SGMS2: variants seen among roughly 807,000 people sequenced by gnomAD.
SGMS2 encodes phosphatidylcholine:ceramide cholinephosphotransferase 2.
In SGMS2, 21 loss-of-function variants were observed where a neutral mutation model predicts 43.8. The ratio of observed to expected loss-of-function variants is 0.48; its 90% CI spans 0.34 to 0.69. The LOEUF (loss-of-function observed/expected upper bound fraction) is 0.69, where lower values mean the gene tolerates loss of function less well. Ranked by LOEUF, SGMS2 falls within the 30% of genes least tolerant of loss-of-function variation. The pLI, the probability that SGMS2 is intolerant of heterozygous loss-of-function variation, is 0.01. For missense variants in SGMS2, 384 were observed against 443.2 expected (o/e 0.87, Z 1.20); for synonymous variants, 167 against 160.6 (o/e 1.04, Z -0.30).
chr4:107,844,085 G>A (rs1396708636), intron 1 of SGMS2, among the ~76,000 whole-genome samples: 7 of 152,128 alleles, frequency 4.6e-5, no homozygotes, highest in African/African-American at 1.2e-4. Context: ...CACTTTGGGA[G>A]GCCAAGACAG....
intron 1 of SGMS2, among the ~76,000 whole-genome samples, chr4:107,829,748 T>G (rs1725782707): frequency 6.6e-6 from 1 of 152,204 alleles, no homozygotes; most frequent in African/African-American, 2.4e-5. Flanking sequence ...ATTCTTTTAT[T>G]TTTTTAAATT....
chr4:107,882,852 T>C (rs1294276500), intron 2 of SGMS2, among the ~76,000 whole-genome samples: 2 of 152,230 alleles, frequency 1.3e-5, no homozygotes, highest in African/African-American at 4.8e-5. Flanking sequence ...GACCTAGTTT[T>C]TCTTAAACCT....
intron 2 of SGMS2, among the ~76,000 whole-genome samples, chr4:107,876,971 A>G (rs1353801031): frequency 6.6e-6 from 1 of 152,168 alleles, no homozygotes; most frequent in Non-Finnish European, 1.5e-5. Flanking sequence ...AGAAAATATT[A>G]ACTCCAATAT....
intron 1 of SGMS2, among the ~76,000 whole-genome samples, chr4:107,852,861 G>C (rs1727229314): frequency 6.6e-6 from 1 of 151,976 alleles, no homozygotes; most frequent in Non-Finnish European, 1.5e-5. Flanking sequence ...AATAGCCCTG[G>C]AAAGCAGTGT....
chr4:107,826,751 A>C (rs1725615809), intron 1 of SGMS2, among the ~76,000 whole-genome samples: 1 of 152,178 alleles, frequency 6.6e-6, no homozygotes. Flanking sequence ...ACACTTGGAC[A>C]CCTTGAGGTG....
intron 5 of SGMS2, among the ~76,000 whole-genome samples, chr4:107,906,185 C>T (rs903244842): frequency 6.6e-6 from 1 of 152,050 alleles, no homozygotes; most frequent in Non-Finnish European, 1.5e-5. Flanking sequence ...TTAGATGTAT[C>T]ATTTATATAT....
At chr4:107,871,795 G>A (rs1333891046) in intron 2 of SGMS2, among the ~76,000 whole-genome samples, 1 of 152,016 alleles carries the variant, frequency 6.6e-6, no homozygotes, top group East Asian at 1.9e-4. Flanking sequence ...CTGCATTGAA[G>A]GTCAAATTCT....
chr4:107,839,727 A>G (rs1381641978), intron 1 of SGMS2, among the ~76,000 whole-genome samples: 1 of 152,188 alleles, frequency 6.6e-6, no homozygotes, highest in Admixed American at 6.5e-5. Context: ...TTTGCTGTTC[A>G]TTAAGTCCCT....
At chr4:107,851,406 A>G (rs903839279) in intron 1 of SGMS2, among the ~76,000 whole-genome samples, 3 of 152,232 alleles carry the variant, frequency 2.0e-5, no homozygotes, top group African/African-American at 7.2e-5. Flanking sequence ...ACTAGAGGAC[A>G]TGGATTGCCA....
At chr4:107,836,238 C>T in intron 1 of SGMS2, among the ~76,000 whole-genome samples, 1 of 152,348 alleles carries the variant, frequency 6.6e-6, no homozygotes. Context: ...CACTGCAGCT[C>T]TAACCAGCCT....
intron 1 of SGMS2, among the ~76,000 whole-genome samples, chr4:107,851,609 C>T (rs185921979): frequency 1.3e-5 from 2 of 152,274 alleles, no homozygotes; most frequent in East Asian, 1.9e-4. Flanking sequence ...TTGACAATAA[C>T]ACTTCTGTAT....
At chr4:107,873,363 C>A (rs1728684934) in intron 2 of SGMS2, 1 of 152,100 alleles carries the variant, frequency 6.6e-6, no homozygotes, top group Non-Finnish European at 1.5e-5. Flanking sequence ...TTTCTCTACT[C>A]CCTGCAGAAG....
intron 3 of SGMS2, among the ~76,000 whole-genome samples, chr4:107,896,669 C>T (rs536510708): frequency 4.1e-4 from 63 of 152,218 alleles, no homozygotes; most frequent in African/African-American, 1.5e-3. Context: ...CAAAGGAGCT[C>T]ATGGTTCACT....
At chr4:107,883,016 AAAATT>A (rs1729479998) in intron 2 of SGMS2, among the ~76,000 whole-genome samples, 2 of 152,308 alleles carry the variant, frequency 1.3e-5, no homozygotes, top group South Asian at 4.1e-4. Context: ...TCTTAATTTT[AAAATT>A]ATATTTACAC....
intron 5 of SGMS2, among the ~76,000 whole-genome samples, chr4:107,904,419 G>A (rs1477296099): frequency 6.6e-6 from 1 of 152,170 alleles, no homozygotes; most frequent in Non-Finnish European, 1.5e-5. Flanking sequence ...TGGTGTGGAA[G>A]TCAAGGGTTA....
chr4:107,888,640 C>G (rs76488699), intron 2 of SGMS2, among the ~76,000 whole-genome samples: 173 of 152,170 alleles, frequency 1.1e-3, no homozygotes, highest in Non-Finnish European at 1.8e-3. Flanking sequence ...CTCTACATCT[C>G]TTGTATTTCC....
intron 2 of SGMS2, chr4:107,863,874 A>C (rs1309610369): frequency 6.6e-6 from 1 of 152,256 alleles, no homozygotes. Context: ...AGGAAAAGAA[A>C]GGTACCTGAA....
At chr4:107,897,437 G>A (rs949743988) in intron 3 of SGMS2, among the ~76,000 whole-genome samples, 6 of 152,192 alleles carry the variant, frequency 3.9e-5, no homozygotes, top group Admixed American at 2.0e-4. Context: ...TTAACACAAT[G>A]TAAGAGCCTG....
chr4:107,867,767 T>TAGTA (rs1236728155), intron 2 of SGMS2: 30 of 152,272 alleles, frequency 2.0e-4, no homozygotes, highest in African/African-American at 6.7e-4. Flanking sequence ...GTGTTAGCTA[T>TAGTA]AGCTCTTGTT....
Sources: gnomAD v4.1 joint callset for allele counts (sites outside exome capture counted in the v4.1 genomes callset) on GRCh38, gnomAD v4.1.1 for gene constraint, MANE v1.5 for transcripts, NCBI Gene and HGNC (gene_info 2026-07-23, HGNC 2026-07-21) for gene names.